The following SHB variants were observed in gnomAD, a reference collection of about 807,000 sequenced individuals.
SHB encodes the protein SH2 domain-containing adapter protein B.
Under a neutral mutation model 52.3 loss-of-function variants are expected in SHB, and 20 were observed. The ratio of observed to expected loss-of-function variants is 0.38; its 90% CI spans 0.27 to 0.56. The LOEUF is 0.56. Among genes scored for constraint, SHB ranks in the 20% least tolerant of loss-of-function variants. The pLI, the probability that SHB is intolerant of heterozygous loss-of-function variation, is 0.71. For missense variants in SHB, 825 were observed against 723.3 expected, an observed-to-expected ratio of 1.14 and a Z score of -1.61; for synonymous variants, 397 against 316.5, an observed-to-expected ratio of 1.25 and a Z score of -2.70.
intron 2 of SHB, among the ~76,000 whole-genome samples, chr9:38,009,862 T>C (rs1033316062): frequency 2.0e-5 from 3 of 152,236 alleles, no homozygotes; most frequent in African/African-American, 7.2e-5. Context: ...ATAAAGTTGA[T>C]TTAATAATAA....
intron 1 of SHB, among the ~76,000 whole-genome samples, chr9:38,024,750 A>C (rs182673762): frequency 2.5e-4 from 38 of 152,312 alleles, no homozygotes; most frequent in African/African-American, 8.7e-4. Context: ...GAATTTCTTA[A>C]GTGCTTTCAG....
At chr9:38,008,681 G>A (rs1587241600) in intron 2 of SHB, among the ~76,000 whole-genome samples, 2 of 152,320 alleles carry the variant, frequency 1.3e-5, no homozygotes, top group East Asian at 3.9e-4. Context: ...TATGGGGCCA[G>A]AAGCACTGCT....
intron 5 of SHB, among the ~76,000 whole-genome samples, chr9:37,927,296 CCAAAG>C (rs1479030225): frequency 1.3e-5 from 2 of 152,236 alleles, no homozygotes; most frequent in African/African-American, 4.8e-5. Flanking sequence ...CCCACAGCTT[CCAAAG>C]CAGCCTTCAC....
At chr9:38,016,264 G>A (rs1485908120) in intron 1 of SHB, 133 bp from the exon 2 acceptor site, 10 of 831,290 alleles carry the variant, frequency 1.2e-5, no homozygotes, top group South Asian at 3.4e-5. Flanking sequence ...GCCGGCGCCC[G>A]GACTCAGGGA....
intron 1 of SHB, among the ~76,000 whole-genome samples, chr9:38,063,627 T>C (rs1405191075): frequency 6.6e-6 from 1 of 152,220 alleles, no homozygotes. Context: ...CTGGCATTCC[T>C]CGGGTTGTGA....
At chr9:38,065,324 G>C (rs1378072658) in intron 1 of SHB, among the ~76,000 whole-genome samples, 1 of 152,186 alleles carries the variant, frequency 6.6e-6, no homozygotes, top group African/African-American at 2.4e-5. Context: ...AGAAACAAGG[G>C]CATCCAGAGT....
intron 1 of SHB, among the ~76,000 whole-genome samples, chr9:38,044,435 T>C (rs1300368070): frequency 3.3e-5 from 5 of 152,272 alleles, no homozygotes; most frequent in African/African-American, 1.2e-4. Flanking sequence ...AGCATGATGC[T>C]GAAGGAGCTG....
chr9:38,067,433 G>A (rs1821984400), intron 1 of SHB, among the ~76,000 whole-genome samples: 1 of 152,032 alleles, frequency 6.6e-6, no homozygotes, highest in Non-Finnish European at 1.5e-5. Flanking sequence ...CAGGGCAGCC[G>A]CGAGAGATTT....
rs546798054 is a variant in SHB at position 37,948,537 on chromosome 9, C to T, written c.1346+98G>A. The T allele has an allele frequency of 8.7e-5, 128 of 1,468,160 alleles. No individual in the cohort carries two copies. In the South Asian group the frequency reaches 1.4e-3, roughly 16 times the overall value. 90.9% of individuals were successfully genotyped at this position (1,468,160 alleles called of 1,614,324 possible). Reference sequence around the variant, plus strand: ...AAATAACGTGTGCTGGCAAGTTTCCCAGGGGACACTGGCGGGTTTTTCTGC... The same window carrying T: ...AAATAACGTGTGCTGGCAAGTTTCCTAGGGGACACTGGCGGGTTTTTCTGC... On this transcript the variant is annotated intron_variant, in intron 5 of 5. Transcript: ENST00000377707.
chr9:37,939,869 G>C (rs1384823489), intron 5 of SHB, among the ~76,000 whole-genome samples: 1 of 152,188 alleles, frequency 6.6e-6, no homozygotes, highest in Non-Finnish European at 1.5e-5. Flanking sequence ...TGTGAAAGCT[G>C]GCTATTCCCA....
At chr9:37,998,564 T>C (rs1271422905) in intron 2 of SHB, among the ~76,000 whole-genome samples, 2 of 152,232 alleles carry the variant, frequency 1.3e-5, no homozygotes, top group Admixed American at 6.5e-5. Flanking sequence ...GCAATCCTCC[T>C]GCCTCAGCCT....
At chr9:37,956,160 T>C in intron 3 of SHB, 106 bp from the exon 4 acceptor site, 1 of 1,046,420 alleles carries the variant, frequency 9.6e-7, no homozygotes, top group East Asian at 2.6e-5. Flanking sequence ...AATTTACAGC[T>C]TGCAGGAGGA....
chr9:37,955,472 C>T (rs140909828), intron 4 of SHB, among the ~76,000 whole-genome samples: 139 of 152,080 alleles, frequency 9.1e-4, no homozygotes, highest in African/African-American at 3.2e-3. Flanking sequence ...ATGCCTCAGT[C>T]TGGGTATTTA....
At position 37,948,620 on chromosome 9, in the gene SHB, C is replaced by T. The variant is rs112081511; in HGVS notation, c.1346+15G>A. The T allele has an allele frequency of 5.6e-5, 91 of 1,612,568 alleles. 3 individuals carry two copies. Among genetic ancestry groups the T allele is most frequent in the African/African-American group, 5.2e-4 (39 of 75,034 alleles). ...GCTGCCGAGGAGGGCTGGGGGTGCT[C>T]GGGGCGGCACTCACCTCAGGGAGAG... On this transcript the variant is annotated intron_variant, in intron 5 of 5. Transcript: ENST00000377707.
At chr9:38,035,791 T>C (rs1821479627) in intron 1 of SHB, among the ~76,000 whole-genome samples, 1 of 152,112 alleles carries the variant, frequency 6.6e-6, no homozygotes, top group African/African-American at 2.4e-5. Flanking sequence ...TCAACATAGC[T>C]GCACATCAGA....
rs1183878393 is a variant in SHB at position 38,018,151 on chromosome 9, T to C, written c.718-2020A>G. ...GGAAAACAAAATCATTTGGGGGGAT[T>C]TGCTGGCGGGGTGGGAGAGGCAGTT... is the stretch of plus-strand genomic sequence containing the variant. On this transcript the variant is annotated intron_variant, in intron 1 of 5. Coordinates refer to ENST00000377707, the MANE Select transcript of SHB (RefSeq NM_003028.3). Among the ~76,000 whole-genome samples, 5 of 151,752 alleles carry C rather than the reference T, an allele frequency of 3.3e-5. 1 individual carries two copies. The highest frequency in any genetic ancestry group is 7.4e-5 in the Non-Finnish European group (5 of 67,898).
At chr9:37,987,779 A>AT (rs1384425215) in intron 2 of SHB, among the ~76,000 whole-genome samples, 1 of 152,196 alleles carries the variant, frequency 6.6e-6, no homozygotes, top group East Asian at 1.9e-4. Context: ...CCAAGGAGGT[A>AT]TTCAGCACAT....
At chr9:37,988,510 C>T (rs556817609) in intron 2 of SHB, among the ~76,000 whole-genome samples, 2 of 152,238 alleles carry the variant, frequency 1.3e-5, no homozygotes, top group South Asian at 2.1e-4. Flanking sequence ...GCATGTTGGA[C>T]GCTGACCTGG....
At chr9:37,927,180 C>T (rs1323626482) in intron 5 of SHB, among the ~76,000 whole-genome samples, 2 of 152,166 alleles carry the variant, frequency 1.3e-5, no homozygotes, top group African/African-American at 2.4e-5. Context: ...CTGTCTGAGG[C>T]GTGGGGCAGG....
Sources: gnomAD v4.1 joint callset for allele counts (sites outside exome capture counted in the v4.1 genomes callset) on GRCh38, gnomAD v4.1.1 for gene constraint, MANE v1.5 for transcripts, NCBI Gene and HGNC (gene_info 2026-07-23, HGNC 2026-07-21) for gene names.